The following PWP1 variants were observed in gnomAD, a reference collection of about 807,000 sequenced individuals.
PWP1 encodes the protein PWP1 homolog, endonuclein.
PWP1 carries 47 observed loss-of-function variants against 69.9 expected under a neutral mutation model. That is an observed-to-expected ratio of 0.67 (90% confidence interval 0.53 to 0.86). The LOEUF is 0.86. PWP1 is among the 40% of genes least tolerant of loss of function. The pLI, the probability that PWP1 is intolerant of heterozygous loss-of-function variation, is 0.00. For missense variants in PWP1, 551 were observed against 608.8 expected, an observed-to-expected ratio of 0.91 and a Z score of 1.00; for synonymous variants, 222 against 208.2, an observed-to-expected ratio of 1.07 and a Z score of -0.57.
chr12:107,688,595 TTTTC>T lies in PWP1; in HGVS notation c.132-14_132-11del. ...GAAGGTAGCATTTGGGTGATTCTCT[TTTTC>T]TTTCTGTGCTCATAGAGAAGAAGGT... On this transcript the variant is annotated splice_polypyrimidine_tract_variant and intron_variant, in intron 2 of 14. Transcript: ENST00000412830. 6.2e-7 allele frequency: 1 copy of T among 1,611,900 alleles called. No homozygotes were observed. The highest frequency in any genetic ancestry group is 8.5e-7 in the Non-Finnish European group (1 of 1,178,308).
At chr12:107,688,967 G>A (rs1257307073) in intron 3 of PWP1, among the ~76,000 whole-genome samples, 165 bp downstream of exon 3, 3 of 151,950 alleles carry the variant, frequency 2.0e-5, no homozygotes, top group Non-Finnish European at 2.9e-5. Flanking sequence ...TAGTTTAGAA[G>A]ATAAACTCTA....
At chr12:107,706,574 G>C (rs574275694) in intron 11 of PWP1, among the ~76,000 whole-genome samples, 1 of 152,264 alleles carries the variant, frequency 6.6e-6, no homozygotes, top group African/African-American at 2.4e-5. Flanking sequence ...ATTAATTTTT[G>C]TATAAGCTGT....
rs1359582151 is a variant in PWP1 at position 107,712,359 on chromosome 12, G to A, written c.*139G>A. The stretch of plus-strand genomic sequence containing the variant: ...GACTGACATTCCTTTCTGCAACTGC[G>A]GTGGCACCACAAATATCCGGTCTTT... On this transcript the variant is annotated 3_prime_UTR_variant, in exon 15 of 15. Transcript: ENST00000412830. The A allele has an allele frequency of 6.1e-5, 37 of 605,332 alleles. No individual in the cohort carries two copies. Among genetic ancestry groups the A allele is most frequent in the East Asian group, 3.1e-4 (11 of 35,720 alleles). 37.5% of individuals were successfully genotyped at this position (605,332 alleles called of 1,614,324 possible).
chr12:107,705,835 ATATG>A (rs778656888), intron 11 of PWP1, among the ~76,000 whole-genome samples: 2 of 152,006 alleles, frequency 1.3e-5, no homozygotes, highest in Non-Finnish European at 2.9e-5. Context: ...AATATGCACT[ATATG>A]TATGTGCACA....
chr12:107,703,845 GC>G, intron 10 of PWP1, 99 bp downstream of exon 10: 1 of 1,106,502 alleles, frequency 9.0e-7, no homozygotes, highest in Non-Finnish European at 1.4e-6. Flanking sequence ...TATCCTTGAG[GC>G]CACCTTTATG....
chr12:107,689,835 G>C (rs1889446519), intron 3 of PWP1, among the ~76,000 whole-genome samples: 1 of 152,150 alleles, frequency 6.6e-6, no homozygotes, highest in Non-Finnish European at 1.5e-5. Context: ...GCCTCGTGGG[G>C]AATAAAGTGA....
chr12:107,687,056 G>A (rs991577989), intron 1 of PWP1, among the ~76,000 whole-genome samples: 1 of 151,860 alleles, frequency 6.6e-6, no homozygotes, highest in African/African-American at 2.4e-5. Context: ...TATGTCAGTG[G>A]GAGTTAAGTT....
rs751110052 is a variant in PWP1 at position 107,688,622 on chromosome 12, G to T, written c.139G>T (p.Gly47Cys). The T allele has an allele frequency of 1.2e-6, 2 of 1,613,728 alleles. No homozygotes were observed. The highest frequency in any genetic ancestry group is 1.3e-5 in the African/African-American group (1 of 74,942). The change falls in exon 3 of 15, where the codon GGT becomes TGT. Residue 47 changes from glycine to cysteine, a missense_variant. Coordinates refer to ENST00000412830, the MANE Select transcript of PWP1 (RefSeq NM_007062.3). ...TTCTTTCTGTGCTCATAGAGAAGAAGGTGGTGGCAGTGATGAAGAGGAGAC... is the reference window on the plus strand; with the variant it reads ...TTCTTTCTGTGCTCATAGAGAAGAATGTGGTGGCAGTGATGAAGAGGAGAC... ...AEAKEKLQEE[G>C]GGSDEEETGS...
In PWP1 at chr12:107,709,032, G is replaced by A. The variant is rs1889886990; in HGVS notation, c.1168+16G>A. 1.2e-6 allele frequency: 2 copies of A among 1,613,488 alleles called. No individual in the cohort carries two copies. Among genetic ancestry groups the A allele is most frequent in the Non-Finnish European group, 1.7e-6 (2 of 1,179,676 alleles). Reference sequence around the variant, plus strand: ...GAAATCTCTGGTGAGCAAGAGTAATGCTTCTTTCATTTTTCTTAACTTATG... The same window carrying A: ...GAAATCTCTGGTGAGCAAGAGTAATACTTCTTTCATTTTTCTTAACTTATG... On this transcript the variant is annotated intron_variant, in intron 12 of 14. Transcript: ENST00000412830.
At chr12:107,708,891 G>C in intron 11 of PWP1, 35 bp from the exon 12 acceptor site, 1 of 1,574,966 alleles carries the variant, frequency 6.3e-7, no homozygotes, top group Non-Finnish European at 8.7e-7. Context: ...ATTTTGTGAC[G>C]TAGCATGACC....
At chr12:107,686,216 A>G (rs1439322235) in intron 1 of PWP1, 2 of 575,224 alleles carry the variant, frequency 3.5e-6, no homozygotes, top group South Asian at 2.1e-5. Context: ...CCCACTCCCA[A>G]ATTCGCACGC....
At chr12:107,704,288 G>C (rs67446565) in intron 10 of PWP1, among the ~76,000 whole-genome samples, 18,518 of 152,250 alleles carry the variant, frequency 0.12, 1,392 homozygotes, top group East Asian at 0.19. Flanking sequence ...GAGAGTAAGT[G>C]TGCCTAAGAC....
chr12:107,691,424 A>G (rs762827640), intron 3 of PWP1, among the ~76,000 whole-genome samples: 8 of 152,256 alleles, frequency 5.3e-5, no homozygotes, highest in Non-Finnish European at 1.0e-4. Context: ...AGCATGGAAC[A>G]CATAATAATG....
intron 3 of PWP1, among the ~76,000 whole-genome samples, chr12:107,689,980 G>A (rs1029457011): frequency 6.6e-6 from 1 of 152,154 alleles, no homozygotes; most frequent in Middle Eastern, 3.2e-3. Context: ...TAATCTTGGG[G>A]TTTGAGAAAT....
chr12:107,712,189 G>T lies in PWP1; in HGVS notation c.1475G>T (p.Ser492Ile). The change falls in exon 15 of 15, where the codon AGC becomes ATC. Residue 492 changes from serine to isoleucine, a missense_variant. Ser to Ile is a moderately radical substitution (Grantham distance 142). Transcript: ENST00000412830. The part of the protein sequence containing the change: ...RNSSISGPFG[S>I]RSSDTPMES ...TCATCTATTAGTGGCCCTTTTGGCA[G>T]CAGGAGCTCAGATACACCCATGGAG... is the stretch of plus-strand genomic sequence containing the variant. 6.2e-7 allele frequency: 1 copy of T among 1,613,860 alleles called. No individual in the cohort carries two copies. Among genetic ancestry groups the T allele is most frequent in the Non-Finnish European group, 8.5e-7 (1 of 1,179,760 alleles).
Position 107,704,648 on chromosome 12 carries a change from G to C in PWP1, c.978G>C (p.Leu326Phe). The change falls in exon 11 of 15, where the codon TTG becomes TTC. Residue 326 changes from leucine to phenylalanine, a missense_variant. By Grantham distance (22) the Leu-to-Phe change is conservative. Transcript: ENST00000412830. ...TGAATGTGTCTAGGTCAGTGGCTTT[G>C]TATGACTGCCGAAGTCCAGATGAAA... The part of the protein sequence containing the change: ...ISGSYDKSVA[L>F]YDCRSPDESH... 6.2e-7 allele frequency: 1 copy of C among 1,613,940 alleles called. No individual in the cohort carries two copies. Among genetic ancestry groups the C allele is most frequent in the Non-Finnish European group, 8.5e-7 (1 of 1,179,872 alleles).
intron 7 of PWP1, among the ~76,000 whole-genome samples, chr12:107,699,092 C>T (rs1209620276): frequency 1.3e-5 from 2 of 152,190 alleles, no homozygotes; most frequent in Non-Finnish European, 1.5e-5. Flanking sequence ...AACCCTGTCT[C>T]CACAAAAAAT....
rs149781500 is a variant in PWP1, at chr12:107,696,490, A to G, written c.519A>G (p.Glu173=). The change falls in exon 6 of 15, where the codon GAA becomes GAG. Residue 173 remains glutamate (E), a synonymous_variant. Coordinates refer to ENST00000412830, the MANE Select transcript of PWP1 (RefSeq NM_007062.3). ...NLEVHVYNQE[E]DSFYVHHDIL... The stretch of plus-strand genomic sequence containing the variant: ...TCTTTTCAGTTTATAATCAAGAAGA[A>G]GACTCTTTTTATGTACACCATGATA... 6.2e-7 allele frequency: 1 copy of G among 1,613,550 alleles called. No homozygotes were observed. Among genetic ancestry groups the G allele is most frequent in the South Asian group, 1.1e-5 (1 of 90,914 alleles).
At chr12:107,703,894 CTG>C in intron 10 of PWP1, 148 bp downstream of exon 10, 1 of 702,082 alleles carries the variant, frequency 1.4e-6, no homozygotes, top group Non-Finnish European at 2.4e-6. Flanking sequence ...CCTTTTAACT[CTG>C]GTCCTTTCAG....
Sources: allele counts gnomAD v4.1 joint callset (sites outside exome capture counted in the v4.1 genomes callset), GRCh38; gene constraint gnomAD v4.1.1; transcripts MANE v1.5; gene names NCBI Gene and HGNC (gene_info 2026-07-23, HGNC 2026-07-21).